The following VPS50 variants were observed in gnomAD, a reference collection of about 807,000 sequenced individuals.
VPS50 encodes VPS50 subunit of EARP/GARPII complex, also known as syndetin.
VPS50 carries 70 observed loss-of-function variants against 139.7 expected under a neutral mutation model. The ratio of observed to expected loss-of-function variants is 0.50; its 90% CI spans 0.41 to 0.61. The LOEUF (loss-of-function observed/expected upper bound fraction) is 0.61, where lower values mean the gene tolerates loss of function less well. Ranked by LOEUF, VPS50 falls within the 20% of genes least tolerant of loss-of-function variation. VPS50 has a pLI of 0.00. For missense variants in VPS50, 921 were observed against 1,133.7 expected (o/e 0.81, Z 2.69); for synonymous variants, 365 against 376.7 (o/e 0.97, Z 0.36).
intron 4 of VPS50, among the ~76,000 whole-genome samples, chr7:93,254,975 G>A (rs1172090722): frequency 6.6e-6 from 1 of 152,012 alleles, no homozygotes; most frequent in Admixed American, 6.6e-5. Context: ...AGGTAGCAGT[G>A]GTGGTATAGG....
intron 23 of VPS50, among the ~76,000 whole-genome samples, chr7:93,342,546 C>T (rs1031774642): frequency 3.9e-5 from 6 of 152,236 alleles, no homozygotes; most frequent in African/African-American, 1.4e-4. Flanking sequence ...AACAAAAAGA[C>T]AGCAGTAACC....
chr7:93,260,677 TTTTG>T (rs150715097), intron 9 of VPS50, among the ~76,000 whole-genome samples: 21,211 of 151,298 alleles, frequency 0.14, 1,589 homozygotes, highest in South Asian at 0.19. Context: ...TTACATGTTT[TTTTG>T]TTTGTTTGTT....
At chr7:93,320,905 C>T (rs927431792) in intron 20 of VPS50, 10 of 152,438 alleles carry the variant, frequency 6.6e-5, no homozygotes, top group African/African-American at 2.4e-4. Context: ...CTTCCACCTC[C>T]TTTTTGGCCC....
chr7:93,306,533 T>C (rs933902697), intron 18 of VPS50, among the ~76,000 whole-genome samples: 1 of 151,868 alleles, frequency 6.6e-6, no homozygotes, highest in Non-Finnish European at 1.5e-5. Context: ...CTAGACGTAG[T>C]GTGAGTTAGT....
chr7:93,305,808 G>A lies in VPS50; in HGVS notation c.1453-20G>A, dbSNP rs777872348. ...TTTTATTGTTGCTAAAGGGTATCTG[G>A]CTCCTTTTTTAACATCTAGGAATTT... On this transcript the variant is annotated intron_variant, in intron 17 of 27. Coordinates refer to ENST00000305866, the MANE Select transcript of VPS50 (RefSeq NM_017667.4). The A allele has an allele frequency of 1.2e-6, 2 of 1,601,626 alleles. No homozygotes were observed. Among genetic ancestry groups the A allele is most frequent in the South Asian group, 2.2e-5 (2 of 90,728 alleles).
chr7:93,297,063 A>T, intron 15 of VPS50, 82 bp from the exon 16 acceptor site: 1 of 1,492,176 alleles, frequency 6.7e-7, no homozygotes, highest in Non-Finnish European at 8.8e-7. Context: ...GATTTTTTTT[A>T]TCTTTGAAGA....
rs200187082 is a variant in VPS50, at chr7:93,294,579, T to C, written c.1110T>C (p.Asn370=). 4 of 1,599,632 alleles carry C rather than the reference T, an allele frequency of 2.5e-6. No individual in the cohort carries two copies. The East Asian group carries it at 9.1e-5, about 36-fold the overall frequency. ...GSNMIGTEET[N]FDRGYIKKKL... is the part of the protein sequence containing the mutation. Reference sequence around the variant, plus strand: ...ATATGATAGGTACTGAAGAAACTAATTTTGATCGTGGCTACATAAAAAAGA... The same window carrying C: ...ATATGATAGGTACTGAAGAAACTAACTTTGATCGTGGCTACATAAAAAAGA... The change falls in exon 14 of 28, where the codon AAT becomes AAC. Residue 370 remains asparagine (N), a synonymous_variant. Coordinates refer to ENST00000305866, the MANE Select transcript of VPS50 (RefSeq NM_017667.4).
chr7:93,288,319 T>G (rs1202164121), intron 12 of VPS50, among the ~76,000 whole-genome samples: 1 of 152,162 alleles, frequency 6.6e-6, no homozygotes, highest in Non-Finnish European at 1.5e-5. Flanking sequence ...TACCCAAAAT[T>G]GTTTTTCACA....
intron 20 of VPS50, among the ~76,000 whole-genome samples, chr7:93,322,566 C>T (rs1797647466): frequency 7.1e-6 from 1 of 141,058 alleles, no homozygotes; most frequent in Non-Finnish European, 1.5e-5. Context: ...CGCCACTGCA[C>T]TCCAGCCTGG....
intron 22 of VPS50, among the ~76,000 whole-genome samples, chr7:93,335,114 A>T (rs1798036692): frequency 6.6e-6 from 1 of 152,230 alleles, no homozygotes; most frequent in African/African-American, 2.4e-5. Flanking sequence ...CTGGGAATTC[A>T]TCAGTGCACA....
intron 27 of VPS50, 80 bp from the exon 28 acceptor site, chr7:93,358,237 A>C: frequency 7.6e-7 from 1 of 1,317,284 alleles, no homozygotes; most frequent in East Asian, 2.3e-5. Context: ...CTGCACCTGA[A>C]TATCCGCCTG....
intron 26 of VPS50, among the ~76,000 whole-genome samples, chr7:93,354,370 T>A (rs778465287): frequency 4.0e-5 from 6 of 151,748 alleles, no homozygotes; most frequent in Non-Finnish European, 8.8e-5. Flanking sequence ...CTGGGCTCAC[T>A]GCAGCCTCTC....
intron 18 of VPS50, among the ~76,000 whole-genome samples, chr7:93,308,279 A>G (rs1342821072): frequency 6.6e-6 from 1 of 151,838 alleles, no homozygotes; most frequent in Non-Finnish European, 1.5e-5. Flanking sequence ...TCTCAAGAGT[A>G]AATCCACCAT....
chr7:93,253,010 A>G (rs572331514), intron 3 of VPS50, among the ~76,000 whole-genome samples: 2 of 152,282 alleles, frequency 1.3e-5, no homozygotes, highest in South Asian at 2.1e-4. Flanking sequence ...TTGGTTTTCA[A>G]TTGTTAGTAT....
chr7:93,323,665 A>G lies in VPS50; in HGVS notation c.1910A>G (p.His637Arg). The change falls in exon 21 of 28, where the codon CAT becomes CGT. Residue 637 changes from histidine to arginine, a missense_variant. His to Arg is a conservative substitution (Grantham distance 29). This residue lies in a region of VPS50 where 744 missense variants were observed against 930.6 expected (regional missense o/e 0.80). Transcript: ENST00000305866. ...ILKPIAFDVI[H>R]FMSQLFDYYL... is the part of the protein sequence containing the mutation. ...AAGCCAATTGCCTTTGATGTTATTC[A>G]TTTCATGTCTCAACTATTTGATTAT... is the stretch of plus-strand genomic sequence containing the variant. 1 of 1,374,992 alleles carries G rather than the reference A, an allele frequency of 7.3e-7. No homozygotes were observed. 85.2% of individuals were successfully genotyped at this position (1,374,992 alleles called of 1,614,324 possible). A position where few individuals can be genotyped will look rare whatever the true frequency, so the allele number is the denominator to read the frequency against.
intron 22 of VPS50, among the ~76,000 whole-genome samples, chr7:93,338,148 G>T (rs1798115285): frequency 6.6e-6 from 1 of 152,052 alleles, no homozygotes; most frequent in Non-Finnish European, 1.5e-5. Flanking sequence ...CACTCTAAGA[G>T]GTATTGGAAG....
chr7:93,355,161 C>T (rs947384689), intron 26 of VPS50, among the ~76,000 whole-genome samples: 3 of 147,892 alleles, frequency 2.0e-5, no homozygotes, highest in Non-Finnish European at 4.5e-5. Context: ...ATAAAATAAG[C>T]TTTTATTTTC....
chr7:93,343,457 C>T (rs1262256731), intron 23 of VPS50, among the ~76,000 whole-genome samples: 2 of 152,020 alleles, frequency 1.3e-5, no homozygotes, highest in African/African-American at 2.4e-5. Flanking sequence ...GGCAGGCCAA[C>T]GTTCAGATTC....
At chr7:93,343,193 C>T (rs1220049637) in intron 23 of VPS50, among the ~76,000 whole-genome samples, 1 of 151,996 alleles carries the variant, frequency 6.6e-6, no homozygotes, top group East Asian at 1.9e-4. Context: ...AATGCAGAAG[C>T]CTCAGGAGCC....
Sources: allele counts gnomAD v4.1 joint callset (sites outside exome capture counted in the v4.1 genomes callset), GRCh38; gene constraint gnomAD v4.1.1; regional missense constraint gnomAD v4.1.1; transcripts MANE v1.5; gene names NCBI Gene and HGNC (gene_info 2026-07-23, HGNC 2026-07-21).